Variants in SYNE1 observed in about 807,000 individuals in gnomAD.
SYNE1 encodes nesprin-1.
In SYNE1, 616 loss-of-function variants were observed where a neutral mutation model predicts 1,111.0. The ratio of observed to expected loss-of-function variants is 0.55; its 90% confidence interval spans 0.52 to 0.59. SYNE1 has a LOEUF of 0.59. Among genes scored for constraint, SYNE1 ranks in the 20% least tolerant of loss-of-function variants. The pLI is 0.00. For missense variants in SYNE1, 10,006 were observed against 10,417.0 expected (o/e 0.96, Z 1.72); for synonymous variants, 3,855 against 3,825.8 (o/e 1.01, Z -0.28).
chr6:152,382,933 A>G (rs1450799692), intron 55 of SYNE1, among the ~76,000 whole-genome samples: 1 of 152,230 alleles, frequency 6.6e-6, no homozygotes, highest in African/African-American at 2.4e-5. Context: ...ATTTTTAAAC[A>G]TATGATATAC....
intron 6 of SYNE1, 101 bp downstream of exon 6, chr6:152,520,358 C>T: frequency 9.1e-7 from 1 of 1,097,966 alleles, no homozygotes; most frequent in South Asian, 1.2e-5. Context: ...GTATAGATTA[C>T]ATGCCATCCT....
rs9322371 is a variant in SYNE1 at position 152,397,214 on chromosome 6, C to T, written c.7351-234G>A. Among the ~76,000 whole-genome samples, 22,359 of 152,034 alleles carry T rather than the reference C, an allele frequency of 0.15. 1,776 individuals are homozygous for T. Among genetic ancestry groups the T allele is most frequent in the East Asian group, 0.35 (1,806 of 5,160 alleles). ...AACAAGGCTGAGCTGGAACCGAGGACGTTCTCACCAAGGTCTTGTTCTCAG... is the reference window on the plus strand; with the variant it reads ...AACAAGGCTGAGCTGGAACCGAGGATGTTCTCACCAAGGTCTTGTTCTCAG... On this transcript the variant is annotated intron_variant, in intron 49 of 145. Transcript: ENST00000367255.
intron 56 of SYNE1, among the ~76,000 whole-genome samples, chr6:152,377,603 C>T (rs777956273): frequency 2.0e-4 from 15 of 75,048 alleles, no homozygotes; most frequent in Admixed American, 6.4e-4. Flanking sequence ...AACGAAACTC[C>T]GTCTTAAAAA....
intron 121 of SYNE1, among the ~76,000 whole-genome samples, chr6:152,215,711 A>G (rs1462747056): frequency 6.6e-6 from 1 of 152,200 alleles, no homozygotes; most frequent in East Asian, 1.9e-4. Context: ...ACAAGTAAGA[A>G]CTCATTTTAT....
chr6:152,404,476 G>A (rs1006491222), intron 45 of SYNE1, among the ~76,000 whole-genome samples, 162 bp from the exon 46 acceptor site: 2 of 152,080 alleles, frequency 1.3e-5, no homozygotes, highest in African/African-American at 2.4e-5. Flanking sequence ...ATGTACAAAC[G>A]TGGAAAATGT....
At chr6:152,619,809 A>G (rs1211126502) in intron 3 of SYNE1, among the ~76,000 whole-genome samples, 20 of 152,098 alleles carry the variant, frequency 1.3e-4, no homozygotes, top group Admixed American at 1.3e-3. Context: ...ACGGTCCCCA[A>G]CTCAACAAGA....
chr6:152,385,199 A>T (rs1191890695), intron 55 of SYNE1, among the ~76,000 whole-genome samples: 1 of 152,172 alleles, frequency 6.6e-6, no homozygotes, highest in Non-Finnish European at 1.5e-5. Context: ...TGTTTTAGAA[A>T]TTGTCCTTAT....
At chr6:152,502,562 A>G in intron 10 of SYNE1, 71 bp downstream of exon 10, 1 of 1,184,264 alleles carries the variant, frequency 8.4e-7, no homozygotes, top group South Asian at 1.2e-5. Flanking sequence ...TTTTTTGAGA[A>G]CAGTATACTC....
At chr6:152,165,131 G>A (rs1308268328) in intron 130 of SYNE1, among the ~76,000 whole-genome samples, 1 of 151,844 alleles carries the variant, frequency 6.6e-6, no homozygotes, top group African/African-American at 2.4e-5. Flanking sequence ...CTCAAGCTGG[G>A]ATTGTCACAC....
chr6:152,626,737 G>A (rs959208808), intron 3 of SYNE1, among the ~76,000 whole-genome samples: 1 of 152,176 alleles, frequency 6.6e-6, no homozygotes, highest in African/African-American at 2.4e-5. Context: ...AGATAAACAC[G>A]AGTGGGGGGT....
chr6:152,155,399 G>A (rs978851151), intron 132 of SYNE1: 21 of 316,880 alleles, frequency 6.6e-5, no homozygotes, highest in Non-Finnish European at 1.2e-4. Context: ...AAATAAAGAC[G>A]AGGTCGGAAA....
chr6:152,196,899 A>G (rs753156413), intron 127 of SYNE1, among the ~76,000 whole-genome samples: 1 of 152,052 alleles, frequency 6.6e-6, no homozygotes, highest in Non-Finnish European at 1.5e-5. Context: ...TTTATGTAGG[A>G]CCCCAGAGCA....
At chr6:152,226,430 A>C (rs1291470454) in intron 115 of SYNE1, among the ~76,000 whole-genome samples, 1 of 152,180 alleles carries the variant, frequency 6.6e-6, no homozygotes, top group Non-Finnish European at 1.5e-5. Flanking sequence ...GATCATCTGT[A>C]TGATCCTCTC....
At chr6:152,382,173 G>A (rs374451793) in intron 55 of SYNE1, among the ~76,000 whole-genome samples, 4 of 152,134 alleles carry the variant, frequency 2.6e-5, no homozygotes. Context: ...AATTTTTCTT[G>A]GTGAAATAAT....
In SYNE1 at chr6:152,339,305, A is replaced by T. The variant is rs771323185; in HGVS notation, c.12287T>A (p.Met4096Lys). The T allele has an allele frequency of 7.4e-6, 12 of 1,613,978 alleles. No individual in the cohort carries two copies. In the Middle Eastern group the frequency reaches 8.2e-4, roughly 111 times the overall value. The change falls in exon 75 of 146, where the codon ATG becomes AAG. Residue 4096 changes from methionine (M) to lysine (K), a missense_variant. Transcript: ENST00000367255. ...ARTYLDLLCS[M>K]CDLSNASVKT... ...CACCGAAGCATTTGACAGGTCACACATGGAGCAAAGGAGATCTAGGTAGGT... is the reference window on the plus strand; with the variant it reads ...CACCGAAGCATTTGACAGGTCACACTTGGAGCAAAGGAGATCTAGGTAGGT...
At chr6:152,627,849 A>G (rs1362715160) in intron 3 of SYNE1, among the ~76,000 whole-genome samples, 2 of 152,124 alleles carry the variant, frequency 1.3e-5, no homozygotes, top group South Asian at 2.1e-4. Context: ...TAGTTGGGAA[A>G]TGCCACTGGT....
intron 104 of SYNE1, among the ~76,000 whole-genome samples, chr6:152,253,368 A>T (rs1161528332): frequency 1.3e-5 from 2 of 152,172 alleles, no homozygotes; most frequent in Non-Finnish European, 2.9e-5. Flanking sequence ...CTGAGTGTTT[A>T]CTATGTATCA....
At chr6:152,580,768 C>T (rs1430460705) in intron 3 of SYNE1, among the ~76,000 whole-genome samples, 2 of 152,104 alleles carry the variant, frequency 1.3e-5, no homozygotes, top group East Asian at 1.9e-4. Flanking sequence ...AGGACCCAGG[C>T]ATTGTGGAGC....
At chr6:152,434,880 A>C (rs1454691557) in intron 33 of SYNE1, 1 of 152,136 alleles carries the variant, frequency 6.6e-6, no homozygotes, top group Non-Finnish European at 1.5e-5. Context: ...TCAAATTTAT[A>C]CCCTGAATGT....
Sources: allele counts gnomAD v4.1 joint callset (sites outside exome capture counted in the v4.1 genomes callset), GRCh38; gene constraint gnomAD v4.1.1; transcripts MANE v1.5; gene names NCBI Gene and HGNC (gene_info 2026-07-23, HGNC 2026-07-21).